Variants in GALNT13 observed in about 807,000 individuals in gnomAD.
GALNT13 encodes the protein UDP-GalNAc:polypeptide N-acetylgalactosaminyltransferase 13.
In GALNT13, 28 loss-of-function variants were observed where a neutral mutation model predicts 64.2. The observed-to-expected ratio is 0.44, with a 90% CI of 0.32 to 0.60. The LOEUF (loss-of-function observed/expected upper bound fraction) is 0.60, where lower values mean the gene tolerates loss of function less well. Among genes scored for constraint, GALNT13 ranks in the 20% least tolerant of loss-of-function variants. GALNT13 has a pLI of 0.05. For missense variants in GALNT13, 577 were observed against 669.8 expected, an observed-to-expected ratio of 0.86 and a Z score of 1.53; for synonymous variants, 214 against 224.6, an observed-to-expected ratio of 0.95 and a Z score of 0.42.
intron 11 of GALNT13, among the ~76,000 whole-genome samples, chr2:154,432,561 A>C (rs2105451577): frequency 6.6e-6 from 1 of 152,306 alleles, no homozygotes; most frequent in Non-Finnish European, 1.5e-5. Flanking sequence ...GGAGGCTAGA[A>C]GTCTGAAATC....
intron 3 of GALNT13, among the ~76,000 whole-genome samples, chr2:153,995,224 C>T (rs1695443521): frequency 6.6e-6 from 1 of 152,042 alleles, no homozygotes; most frequent in African/African-American, 2.4e-5. Context: ...GTAAAACCCA[C>T]ATATTGATAA....
Position 154,451,925 on chromosome 2 carries a change from G to T in GALNT13, c.*1374G>T, listed in dbSNP as rs1009415284. On this transcript the variant is annotated 3_prime_UTR_variant, in exon 13 of 13. Coordinates refer to ENST00000392825, the MANE Select transcript of GALNT13 (RefSeq NM_052917.4). The stretch of plus-strand genomic sequence containing the variant: ...CTGGAGCAGAAGATTCCACTTCTTT[G>T]GTCCTCATCTTTACTTAAAAAGCTC... 3.3e-5 allele frequency: 5 copies of T among 151,996 alleles called. No homozygotes were observed. Among genetic ancestry groups the T allele is most frequent in the Admixed American group, 6.6e-5 (1 of 15,226 alleles). 9.4% of individuals were successfully genotyped at this position (151,996 alleles called of 1,614,324 possible). A position where few individuals can be genotyped will look rare whatever the true frequency, so the allele number is the denominator to read the frequency against.
intron 3 of GALNT13, among the ~76,000 whole-genome samples, chr2:154,130,400 C>T (rs1393323389): frequency 6.6e-6 from 1 of 152,104 alleles, no homozygotes; most frequent in Non-Finnish European, 1.5e-5. Context: ...TCAGCACAAC[C>T]GCCCTCAACA....
At chr2:154,287,532 C>T (rs1231062225) in intron 8 of GALNT13, 1 of 250,330 alleles carries the variant, frequency 4.0e-6, no homozygotes, top group East Asian at 9.0e-5. Flanking sequence ...TCCAAATGAC[C>T]TGTTTTCTAG....
chr2:153,496,335 G>A, the GALNT13 span, among the ~76,000 whole-genome samples: 3 of 152,126 alleles, frequency 2.0e-5, no homozygotes, highest in East Asian at 5.8e-4. Context: ...TAGGAAATCT[G>A]GGAGCATGGC....
chr2:153,079,468 G>A, the GALNT13 span, among the ~76,000 whole-genome samples: 1 of 152,032 alleles, frequency 6.6e-6, no homozygotes, highest in Non-Finnish European at 1.5e-5. Context: ...TCTTTTTAAG[G>A]TAAACAGAGC....
chr2:153,214,068 T>C, the GALNT13 span, among the ~76,000 whole-genome samples: 1 of 152,170 alleles, frequency 6.6e-6, no homozygotes, highest in Admixed American at 6.5e-5. Context: ...AAAAATTTGT[T>C]GTTAACTTTA....
In GALNT13 at chr2:154,337,527, TA is replaced by T. The variant is rs548500423; in HGVS notation, c.1156+35942del. Among the ~76,000 whole-genome samples, 223 of 152,184 alleles carry T rather than the reference TA, an allele frequency of 1.5e-3. 2 individuals carry two copies. The highest frequency in any genetic ancestry group is 5.1e-3 in the African/African-American group (214 of 41,558). The stretch of plus-strand genomic sequence containing the variant: ...TTTTAAAATTTAAAATAAAATATTT[TA>T]AAACCCATAAGCATACCACATAGTG... On this transcript the variant is annotated intron_variant, in intron 9 of 12. Transcript: ENST00000392825.
chr2:154,439,542 T>C (rs1332511305), intron 12 of GALNT13, among the ~76,000 whole-genome samples: 1 of 152,160 alleles, frequency 6.6e-6, no homozygotes, highest in South Asian at 2.1e-4. Context: ...AGATAAATAC[T>C]ACTATAGAGG....
intron 8 of GALNT13, among the ~76,000 whole-genome samples, chr2:154,275,807 A>G (rs1245718883): frequency 1.3e-5 from 2 of 152,170 alleles, no homozygotes; most frequent in East Asian, 1.9e-4. Flanking sequence ...GCCACAGACA[A>G]TCAGCCCCAA....
the GALNT13 span, among the ~76,000 whole-genome samples, chr2:153,810,473 C>T: frequency 6.6e-6 from 1 of 152,116 alleles, no homozygotes; most frequent in African/African-American, 2.4e-5. Flanking sequence ...ATCACAAGTT[C>T]ACTGAATGAA....
At chr2:153,415,965 G>A in the GALNT13 span, among the ~76,000 whole-genome samples, 1 of 152,176 alleles carries the variant, frequency 6.6e-6, no homozygotes, top group Non-Finnish European at 1.5e-5. Context: ...CCATTTAAAA[G>A]TGTTTAATCA....
chr2:153,566,966 C>G, the GALNT13 span, among the ~76,000 whole-genome samples: 1 of 152,164 alleles, frequency 6.6e-6, no homozygotes, highest in South Asian at 2.1e-4. Context: ...TGCCCAATGT[C>G]ATATTACTGG....
chr2:153,921,768 A>G (rs935050288), intron 2 of GALNT13, among the ~76,000 whole-genome samples: 5 of 152,134 alleles, frequency 3.3e-5, no homozygotes, highest in African/African-American at 1.2e-4. Flanking sequence ...TAAATTTGGA[A>G]AAGATGGCAG....
chr2:154,405,904 A>G (rs552441628), intron 10 of GALNT13, among the ~76,000 whole-genome samples: 22 of 152,142 alleles, frequency 1.4e-4, no homozygotes, highest in Admixed American at 2.0e-4. Flanking sequence ...AGATACTTGT[A>G]AGAATTAAGA....
chr2:154,101,287 G>A (rs139307208), intron 3 of GALNT13, among the ~76,000 whole-genome samples: 61 of 151,876 alleles, frequency 4.0e-4, no homozygotes, highest in Non-Finnish European at 6.0e-4. Flanking sequence ...ATTGGTACCC[G>A]TTCTTTTTGG....
At chr2:153,330,648 G>A in the GALNT13 span, among the ~76,000 whole-genome samples, 1 of 151,702 alleles carries the variant, frequency 6.6e-6, no homozygotes, top group Non-Finnish European at 1.5e-5. Context: ...CTTTATCGAA[G>A]TTGTTTATCA....
At chr2:153,179,701 ATTTG>A in the GALNT13 span, among the ~76,000 whole-genome samples, 1 of 151,990 alleles carries the variant, frequency 6.6e-6, no homozygotes, top group Non-Finnish European at 1.5e-5. Flanking sequence ...GTATCTTTCC[ATTTG>A]TTTATTTTCT....
chr2:154,367,322 A>C (rs1435486370), intron 9 of GALNT13, among the ~76,000 whole-genome samples: 1 of 152,196 alleles, frequency 6.6e-6, no homozygotes, highest in African/African-American at 2.4e-5. Context: ...ATGAAAACAA[A>C]GAAAAATTTA....
Sources: gnomAD v4.1 joint callset for allele counts (sites outside exome capture counted in the v4.1 genomes callset) on GRCh38, gnomAD v4.1.1 for gene constraint, MANE v1.5 for transcripts, NCBI Gene and HGNC (gene_info 2026-07-23, HGNC 2026-07-21) for gene names.